Variants in FILIP1L observed in about 807,000 individuals in gnomAD.
FILIP1L encodes filamin A interacting protein 1 like.
In FILIP1L, 55 loss-of-function variants were observed where a neutral mutation model predicts 96.6. That is an observed-to-expected ratio of 0.57 (90% CI 0.46 to 0.71). The LOEUF (loss-of-function observed/expected upper bound fraction) is 0.71. Ranked by LOEUF, FILIP1L falls within the 30% of genes least tolerant of loss-of-function variation. The pLI is 0.00. For missense variants in FILIP1L, 1,304 were observed against 1,321.2 expected, an observed-to-expected ratio of 0.99 and a Z score of 0.20; for synonymous variants, 467 against 473.9, an observed-to-expected ratio of 0.99 and a Z score of 0.19.
At chr3:100,027,008 C>A (rs2064935793) in intron 1 of FILIP1L, among the ~76,000 whole-genome samples, 1 of 152,144 alleles carries the variant, frequency 6.6e-6, no homozygotes, top group African/African-American at 2.4e-5. Context: ...TCCTTGTGAC[C>A]TTTGTCCTTG....
chr3:100,096,626 G>T (rs959702773), intron 1 of FILIP1L, among the ~76,000 whole-genome samples: 2 of 151,944 alleles, frequency 1.3e-5, no homozygotes, highest in Non-Finnish European at 2.9e-5. Flanking sequence ...AGAGTAGTAG[G>T]GGGTGGGGAG....
intron 1 of FILIP1L, among the ~76,000 whole-genome samples, chr3:100,026,264 T>C (rs908941038): frequency 2.6e-5 from 4 of 152,116 alleles, no homozygotes; most frequent in African/African-American, 9.7e-5. Flanking sequence ...TGGGCAAATT[T>C]ATGTTATATT....
chr3:100,042,608 A>G (rs1323383948), intron 1 of FILIP1L, among the ~76,000 whole-genome samples: 1 of 152,244 alleles, frequency 6.6e-6, no homozygotes, highest in Admixed American at 6.5e-5. Flanking sequence ...AGAGTACATA[A>G]TTAGAACAAT....
chr3:100,068,732 A>G (rs2065710210), intron 1 of FILIP1L, among the ~76,000 whole-genome samples: 1 of 152,068 alleles, frequency 6.6e-6, no homozygotes. Context: ...GGTTCAAGCG[A>G]TTTTCCTGCC....
intron 1 of FILIP1L, among the ~76,000 whole-genome samples, chr3:99,977,602 C>CA (rs1407665607): frequency 6.6e-6 from 1 of 151,948 alleles, no homozygotes; most frequent in Non-Finnish European, 1.5e-5. Flanking sequence ...ATTTCAACAA[C>CA]AAAAAAATTA....
intron 1 of FILIP1L, among the ~76,000 whole-genome samples, chr3:99,933,298 AT>A (rs1395950257): frequency 6.6e-6 from 1 of 152,202 alleles, no homozygotes; most frequent in Admixed American, 6.5e-5. Flanking sequence ...ATGAACAATG[AT>A]GTGTGACAGT....
At position 99,903,540 on chromosome 3, in the gene FILIP1L, G is replaced by A. The variant is rs373732836; in HGVS notation, c.605+20690C>T. On this transcript the variant is annotated intron_variant, in intron 4 of 5. Coordinates refer to ENST00000477258, the MANE Select transcript of FILIP1L (RefSeq NM_001387850.1). ...GCTGGGATTACAGGCGTGAGCCACC[G>A]CGCCCGGCCATGTATGCATGTTTTA... Among the ~76,000 whole-genome samples the A allele has an allele frequency of 4.7e-3, 722 of 152,192 alleles. 6 individuals carry two copies. The highest frequency in any genetic ancestry group is 7.3e-3 in the Non-Finnish European group (498 of 68,016).
At chr3:100,009,947 C>T (rs1362882489) in intron 1 of FILIP1L, among the ~76,000 whole-genome samples, 1 of 152,194 alleles carries the variant, frequency 6.6e-6, no homozygotes, top group African/African-American at 2.4e-5. Context: ...TTTACCATTT[C>T]CTTTCTAACA....
chr3:99,916,842 C>G (rs147792754), intron 4 of FILIP1L, among the ~76,000 whole-genome samples: 1 of 152,336 alleles, frequency 6.6e-6, no homozygotes, highest in African/African-American at 2.4e-5. Context: ...TGCCAGCCAT[C>G]ATCTTCACGG....
At chr3:99,986,238 C>T (rs1025219533) in intron 1 of FILIP1L, among the ~76,000 whole-genome samples, 1 of 152,142 alleles carries the variant, frequency 6.6e-6, no homozygotes, top group Admixed American at 6.5e-5. Context: ...AGATGTTGCT[C>T]ATGCATCAAT....
chr3:100,060,624 G>T (rs1397040757), intron 1 of FILIP1L, among the ~76,000 whole-genome samples: 1 of 152,144 alleles, frequency 6.6e-6, no homozygotes, highest in African/African-American at 2.4e-5. Context: ...GGAGGCTGAA[G>T]CAGACAGATA....
chr3:99,983,302 G>C (rs575248958), intron 1 of FILIP1L, among the ~76,000 whole-genome samples: 1 of 149,764 alleles, frequency 6.7e-6, no homozygotes, highest in Non-Finnish European at 1.5e-5. Context: ...GGGAGGCCAA[G>C]GCAGGCGGAT....
chr3:99,959,220 C>T (rs1438913359), intron 1 of FILIP1L, among the ~76,000 whole-genome samples: 2 of 152,208 alleles, frequency 1.3e-5, no homozygotes, highest in Non-Finnish European at 2.9e-5. Flanking sequence ...ACAACTTCAG[C>T]TCACTGCAAC....
chr3:100,089,997 G>A lies in FILIP1L; in HGVS notation c.-11+24056C>T, dbSNP rs1197267807. ...GTACACTCATCTTCCCTACTCCCCC[G>A]CAACTGCAAAGCCAGCTAGCTTTTC... On this transcript the variant is annotated intron_variant, in intron 1 of 5. Coordinates refer to ENST00000477258, the MANE Select transcript of FILIP1L (RefSeq NM_001387850.1). 5.3e-5 allele frequency among the ~76,000 whole-genome samples: 8 copies of A among 152,282 alleles called. No individual in the cohort carries two copies. In the East Asian group the frequency reaches 1.3e-3, roughly 26 times the overall value.
intron 1 of FILIP1L, among the ~76,000 whole-genome samples, chr3:100,112,251 C>T (rs2066504586): frequency 6.6e-6 from 1 of 152,116 alleles, no homozygotes; most frequent in African/African-American, 2.4e-5. Flanking sequence ...GCGGGTATTA[C>T]ATTGGTAATG....
chr3:99,931,013 G>T lies in FILIP1L; in HGVS notation c.8C>A (p.Ser3Tyr), dbSNP rs1015936734. The stretch of plus-strand genomic sequence containing the variant: ...TGAGCCCTCGGTATCACTGCCTCTG[G>T]AACGCATTCTTTAAAGCCTGGAAGG... MRSRGSDTEGSAQ... is the reference protein window; with the variant it reads MRYRGSDTEGSAQ... Residue 3 changes from serine to tyrosine, a missense_variant, in exon 2 of 6, where the codon TCC (serine) becomes TAC (tyrosine). Coordinates refer to ENST00000477258, the MANE Select transcript of FILIP1L (RefSeq NM_001387850.1). 2 of 1,613,184 alleles carry T rather than the reference G, an allele frequency of 1.2e-6. No individual in the cohort carries two copies. The highest frequency in any genetic ancestry group is 2.7e-5 in the African/African-American group (2 of 74,682).
intron 1 of FILIP1L, among the ~76,000 whole-genome samples, chr3:100,080,411 A>C (rs920764709): frequency 1.3e-5 from 2 of 152,210 alleles, no homozygotes; most frequent in African/African-American, 4.8e-5. Flanking sequence ...AGTGAGCATA[A>C]CAATCACCCA....
Position 99,848,556 on chromosome 3 carries a change from T to G in FILIP1L, c.3120A>C (p.Ser1040=). The G allele has an allele frequency of 6.2e-7, 1 of 1,614,236 alleles. No individual in the cohort carries two copies. The highest frequency in any genetic ancestry group is 8.5e-7 in the Non-Finnish European group (1 of 1,180,040). Residue 1040 remains serine, a synonymous_variant, in exon 5 of 6, where the codon TCA becomes TCC. Transcript: ENST00000477258. The part of the protein sequence containing the change: ...AIFRVSPDRQ[S]SWQFQRSNSN... ...TGTTTGAACGCTGAAACTGCCATGA[T>G]GACTGCCGGTCTGGGGAGACTCTGA...
Position 99,849,984 on chromosome 3 carries a change from T to A in FILIP1L, c.1692A>T (p.Arg564Ser), listed in dbSNP as rs760776400. ...EEKMYSVTKERDDLKNKLKAE... is the reference protein window; with the variant it reads ...EEKMYSVTKESDDLKNKLKAE... ...CTTTCAATTTGTTTTTTAAATCATC[T>A]CTCTCCTTGGTTACGCTGTACATCT... Residue 564 changes from arginine to serine, a missense_variant, in exon 5 of 6, where the codon AGA becomes AGT. Transcript: ENST00000477258. 5.6e-6 allele frequency: 9 copies of A among 1,612,282 alleles called. No homozygotes were observed. The highest frequency in any genetic ancestry group is 7.6e-6 in the Non-Finnish European group (9 of 1,179,612).
Sources: gnomAD v4.1 joint callset for allele counts (sites outside exome capture counted in the v4.1 genomes callset) on GRCh38, gnomAD v4.1.1 for gene constraint, MANE v1.5 for transcripts, NCBI Gene and HGNC (gene_info 2026-07-23, HGNC 2026-07-21) for gene names.